PINX1: variants seen among roughly 807,000 people sequenced by gnomAD.
PINX1 encodes the protein PIN2/TERF1-interacting telomerase inhibitor 1.
PINX1 carries 34 observed loss-of-function variants against 25.4 expected under a neutral mutation model. The observed-to-expected ratio is 1.34, with a 90% CI of 1.02 to 1.78. The LOEUF (loss-of-function observed/expected upper bound fraction) is 1.78. PINX1 is among the 40% of genes most tolerant of loss of function. The probability of loss-of-function intolerance (pLI) is 0.00; values close to 1 mark genes in which losing one functional copy is unlikely to be tolerated. For synonymous variants in PINX1, 197 were observed against 147.7 expected (o/e 1.33, Z -2.42); for missense variants, 592 against 404.9 (o/e 1.46, Z -3.97).
At chr8:10,823,878 T>A (rs1797952322) in intron 5 of PINX1, among the ~76,000 whole-genome samples, 1 of 152,148 alleles carries the variant, frequency 6.6e-6, no homozygotes, top group South Asian at 2.1e-4. Flanking sequence ...AGTAGCAAAT[T>A]TTACAACACT....
intron 6 of PINX1, among the ~76,000 whole-genome samples, chr8:10,818,318 G>A (rs1359652665): frequency 1.3e-5 from 2 of 152,172 alleles, no homozygotes; most frequent in Non-Finnish European, 2.9e-5. Flanking sequence ...TCAAACACAG[G>A]TGGATGTCTC....
chr8:10,827,563 C>G (rs1320001879), intron 4 of PINX1, among the ~76,000 whole-genome samples: 1 of 151,910 alleles, frequency 6.6e-6, no homozygotes, highest in Non-Finnish European at 1.5e-5. Context: ...AGAAGAGAGA[C>G]TAAATTTTCC....
At chr8:10,815,437 C>T (rs1007811128) in intron 6 of PINX1, among the ~76,000 whole-genome samples, 1 of 152,220 alleles carries the variant, frequency 6.6e-6, no homozygotes, top group Non-Finnish European at 1.5e-5. Flanking sequence ...GTTTGTTCCA[C>T]TACACAACAC....
intron 6 of PINX1, among the ~76,000 whole-genome samples, chr8:10,794,060 T>G (rs1418015406): frequency 6.6e-6 from 1 of 152,210 alleles, no homozygotes; most frequent in East Asian, 1.9e-4. Context: ...GTAAACTGTT[T>G]TAAAAAATGG....
chr8:10,792,859 G>C (rs1801966681), intron 6 of PINX1, among the ~76,000 whole-genome samples: 1 of 152,134 alleles, frequency 6.6e-6, no homozygotes, highest in African/African-American at 2.4e-5. Flanking sequence ...ATGTTAGTTA[G>C]TGTGAGTATA....
In PINX1 at chr8:10,834,652, T is replaced by C. The variant is rs1163139308; in HGVS notation, c.129+14A>G. On this transcript the variant is annotated intron_variant, in intron 2 of 6. Coordinates refer to ENST00000314787, the MANE Select transcript of PINX1 (RefSeq NM_017884.6). ...TTCATAGCTCAGATTTTTTTCCGCT[T>C]TTCTCCAAAATACCTTTCCTTTAGA... 1.2e-6 allele frequency: 2 copies of C among 1,611,064 alleles called. No homozygotes were observed. The highest frequency in any genetic ancestry group is 2.2e-5 in the South Asian group (2 of 90,050).
intron 6 of PINX1, among the ~76,000 whole-genome samples, chr8:10,770,000 T>C (rs1801174542): frequency 6.6e-6 from 1 of 152,238 alleles, no homozygotes; most frequent in South Asian, 2.1e-4. Context: ...CTACATCATT[T>C]TGGTTTGCAA....
chr8:10,774,487 G>A (rs1021549965), intron 6 of PINX1, among the ~76,000 whole-genome samples: 1 of 152,112 alleles, frequency 6.6e-6, no homozygotes, highest in African/African-American at 2.4e-5. Context: ...CTCCATGTTG[G>A]TCAGGCTGGT....
At chr8:10,825,811 A>G (rs1798020146) in intron 5 of PINX1, among the ~76,000 whole-genome samples, 1 of 152,258 alleles carries the variant, frequency 6.6e-6, no homozygotes, top group African/African-American at 2.4e-5. Context: ...CCATGCAGCT[A>G]AAAATGTTGG....
At chr8:10,831,520 T>C in intron 4 of PINX1, 145 bp downstream of exon 4, 1 of 627,676 alleles carries the variant, frequency 1.6e-6, no homozygotes, top group Non-Finnish European at 2.9e-6. Flanking sequence ...CATGTGTACA[T>C]TACAAATTGT....
chr8:10,765,357 T>A lies in PINX1; in HGVS notation c.*44A>T, dbSNP rs2129069529. 2 of 1,519,350 alleles carry A rather than the reference T, an allele frequency of 1.3e-6. No homozygotes were observed. The highest frequency in any genetic ancestry group is 1.8e-6 in the Non-Finnish European group (2 of 1,137,722). The allele number at this position is 1,519,350 out of a possible 1,614,324, so 94.1% of individuals were successfully genotyped here. ...AGGCCAGAGGTGTCTGCCCCCGCAG[T>A]GCCCTGACAGCTGAGTGGTCGGAAG... On this transcript the variant is annotated 3_prime_UTR_variant, in exon 7 of 7. Transcript: ENST00000314787.
intron 5 of PINX1, among the ~76,000 whole-genome samples, chr8:10,822,601 A>G (rs1586196780): frequency 6.6e-6 from 1 of 152,350 alleles, no homozygotes; most frequent in Admixed American, 6.5e-5. Context: ...TTCCCAGTCT[A>G]TCAGAGTAGC....
chr8:10,827,336 G>C (rs1798083531), intron 4 of PINX1, among the ~76,000 whole-genome samples: 1 of 152,156 alleles, frequency 6.6e-6, no homozygotes, highest in African/African-American at 2.4e-5. Context: ...AAGGGCAAAA[G>C]GAGCAGGAAC....
intron 6 of PINX1, among the ~76,000 whole-genome samples, chr8:10,802,049 G>A (rs565314908): frequency 6.6e-6 from 1 of 152,100 alleles, no homozygotes; most frequent in African/African-American, 2.4e-5. Context: ...CAAACTGGAA[G>A]ATGTACAAAG....
intron 5 of PINX1, among the ~76,000 whole-genome samples, chr8:10,821,403 G>C (rs1797862497): frequency 6.6e-6 from 1 of 152,216 alleles, no homozygotes; most frequent in Admixed American, 6.5e-5. Context: ...CAGATGAAGT[G>C]GCCCAGGCGG....
rs577606279 is a variant in PINX1, at chr8:10,815,915, C to T, written c.471+4278G>A. 3.9e-5 allele frequency among the ~76,000 whole-genome samples: 6 copies of T among 152,242 alleles called. No individual in the cohort carries two copies. In the South Asian group the frequency reaches 6.2e-4, roughly 16 times the overall value. On this transcript the variant is annotated intron_variant, in intron 6 of 6. Transcript: ENST00000314787. ...AAGTGCAGGAAGTAGATCATGGAAA[C>T]GACAATCGGCCTTTAGCACTGGGTA...
intron 1 of PINX1, 109 bp from the exon 2 acceptor site, chr8:10,834,884 G>T: frequency 4.3e-6 from 3 of 696,328 alleles, no homozygotes; most frequent in South Asian, 1.8e-5. Context: ...TGTAAAATAT[G>T]ACATACATTA....
chr8:10,780,402 A>G (rs775170450), intron 6 of PINX1, among the ~76,000 whole-genome samples: 3 of 152,150 alleles, frequency 2.0e-5, no homozygotes, highest in Non-Finnish European at 4.4e-5. Context: ...CTGTACCTAA[A>G]TTGTTGAGAG....
chr8:10,801,310 A>C (rs1021040856), intron 6 of PINX1, among the ~76,000 whole-genome samples: 4 of 152,254 alleles, frequency 2.6e-5, no homozygotes, highest in African/African-American at 9.6e-5. Flanking sequence ...ATGGTGCCCC[A>C]GCTATCTGCT....
Sources: gnomAD v4.1 joint callset for allele counts (sites outside exome capture counted in the v4.1 genomes callset) on GRCh38, gnomAD v4.1.1 for gene constraint, MANE v1.5 for transcripts, NCBI Gene and HGNC (gene_info 2026-07-23, HGNC 2026-07-21) for gene names.